Variants in AGPS observed in about 807,000 individuals in gnomAD.
AGPS encodes the protein alkylglycerone phosphate synthase.
A neutral mutation model predicts 90.7 loss-of-function variants in AGPS; 26 were observed. The observed-to-expected ratio is 0.29, with a 90% CI of 0.21 to 0.40. The LOEUF (loss-of-function observed/expected upper bound fraction) is 0.40, where lower values mean the gene tolerates loss of function less well. Among genes scored for constraint, AGPS ranks in the 10% least tolerant of loss-of-function variants. The probability of loss-of-function intolerance (pLI) is 1.00; values close to 1 mark genes in which losing one functional copy is unlikely to be tolerated. For synonymous variants in AGPS, 294 were observed against 285.3 expected (o/e 1.03, Z -0.31); for missense variants, 540 against 816.1 (o/e 0.66, Z 4.12).
chr2:177,484,008 G>A (rs1026538591), intron 11 of AGPS, among the ~76,000 whole-genome samples: 5 of 46,192 alleles, frequency 1.1e-4, no homozygotes, highest in African/African-American at 2.1e-4. Flanking sequence ...GGAAGCTAGG[G>A]TGTTTTTTTT....
rs1237261303 is a variant in AGPS, at chr2:177,538,004, A to C, written c.1856-70A>C. The C allele has an allele frequency of 5.1e-6, 8 of 1,576,418 alleles. No homozygotes were observed. In the African/African-American group the frequency reaches 8.1e-5, roughly 16 times the overall value. On this transcript the variant is annotated intron_variant, in intron 19 of 19. Transcript: ENST00000264167. ...TTTATCACACAGTGTTTGTTCACTCATGGTCACAAGATTGATTGGTTCCCA... is the reference window on the plus strand; with the variant it reads ...TTTATCACACAGTGTTTGTTCACTCCTGGTCACAAGATTGATTGGTTCCCA...
Position 177,436,999 on chromosome 2 carries a change from AT to A in AGPS, c.587del (p.Leu196CysfsTer13). 6.2e-7 allele frequency: 1 copy of A among 1,613,430 alleles called. No individual in the cohort carries two copies. The highest frequency in any genetic ancestry group is 2.2e-5 in the East Asian group (1 of 44,742). ...RAHGHCLHEI[F>X]LLREGMFERI... ...AAACAGGTCATTGTCTTCATGAGAT[AT>A]TTTTGCTCAGGGAAGGAATGTTTGA... On this transcript the variant is annotated frameshift_variant, in exon 5 of 20. Coordinates refer to ENST00000264167, the MANE Select transcript of AGPS (RefSeq NM_003659.4). LOFTEE classifies it high-confidence loss of function.
chr2:177,444,279 T>G (rs12990729), intron 7 of AGPS, among the ~76,000 whole-genome samples: 115,135 of 151,750 alleles, frequency 0.76, 43,917 homozygotes, highest in Admixed American at 0.8. Context: ...AAATTAGCCA[T>G]GTGTGGTGGC....
At chr2:177,405,411 T>C (rs1405456359) in intron 1 of AGPS, among the ~76,000 whole-genome samples, 1 of 152,266 alleles carries the variant, frequency 6.6e-6, no homozygotes, top group Non-Finnish European at 1.5e-5. Context: ...TTTTTGATGA[T>C]TCCTTCTCTA....
chr2:177,538,093 A>G lies in AGPS; in HGVS notation c.1875A>G (p.Gln625=), dbSNP rs2079199951. ...HHHGVGKLRK[Q]WLKESISDVG... ...TTCCAGTGGGCAAGTTACGGAAGCA[A>G]TGGCTAAAGGAAAGTATCTCTGATG... Residue 625 remains glutamine (Q), a synonymous_variant, in exon 20 of 20, where the codon CAA becomes CAG. Coordinates refer to ENST00000264167, the MANE Select transcript of AGPS (RefSeq NM_003659.4). 6.2e-7 allele frequency: 1 copy of G among 1,613,238 alleles called. No individual in the cohort carries two copies. Among genetic ancestry groups the G allele is most frequent in the Non-Finnish European group, 8.5e-7 (1 of 1,179,326 alleles).
chr2:177,478,400 T>A (rs1252783558), intron 10 of AGPS, among the ~76,000 whole-genome samples: 2 of 152,204 alleles, frequency 1.3e-5, no homozygotes, highest in East Asian at 3.8e-4. Flanking sequence ...TTTTAATAAA[T>A]TTAGGAAGTT....
chr2:177,422,676 T>A (rs1226725152), intron 2 of AGPS, among the ~76,000 whole-genome samples: 1 of 152,212 alleles, frequency 6.6e-6, no homozygotes, highest in African/African-American at 2.4e-5. Context: ...AAATATATAC[T>A]AAACAAACAA....
At chr2:177,431,974 A>G (rs574018002) in intron 2 of AGPS, among the ~76,000 whole-genome samples, 1 of 152,358 alleles carries the variant, frequency 6.6e-6, no homozygotes, top group South Asian at 2.1e-4. Flanking sequence ...AATGACCATG[A>G]AATCTTCACA....
At chr2:177,457,797 AC>A (rs1687163921) in intron 8 of AGPS, among the ~76,000 whole-genome samples, 1 of 152,200 alleles carries the variant, frequency 6.6e-6, no homozygotes, top group Non-Finnish European at 1.5e-5. Flanking sequence ...ACTATTCCAA[AC>A]AATAGAAAAA....
intron 3 of AGPS, among the ~76,000 whole-genome samples, chr2:177,434,998 T>G (rs4893948): frequency 0.28 from 336 of 1,206 alleles, 8 homozygotes; most frequent in East Asian, 0.33. Context: ...AAACTGTAGG[T>G]ATATATATAT....
rs186592556 is a variant in AGPS at position 177,519,361 on chromosome 2, C to A, written c.1698-1908C>A. ...TTCCAGAACACTTTTCCCAATCCGA[C>A]CTATCCCAATTTTCTTATTCTTTGT... On this transcript the variant is annotated intron_variant, in intron 17 of 19. Transcript: ENST00000264167. Among the ~76,000 whole-genome samples, 3 of 152,236 alleles carry A rather than the reference C, an allele frequency of 2.0e-5. No homozygotes were observed. The East Asian group carries it at 5.8e-4, about 29-fold the overall frequency.
At chr2:177,515,610 G>A (rs954743301) in intron 17 of AGPS, among the ~76,000 whole-genome samples, 3 of 152,114 alleles carry the variant, frequency 2.0e-5, no homozygotes, top group Admixed American at 2.0e-4. Flanking sequence ...GGCACATTCT[G>A]TAATTACACT....
At chr2:177,480,926 A>C (rs946437251) in intron 10 of AGPS, among the ~76,000 whole-genome samples, 1 of 152,090 alleles carries the variant, frequency 6.6e-6, no homozygotes, top group Non-Finnish European at 1.5e-5. Flanking sequence ...TATCAAGCCA[A>C]ACTTGCAGAG....
At chr2:177,405,810 C>T (rs1366896348) in intron 1 of AGPS, among the ~76,000 whole-genome samples, 1 of 145,052 alleles carries the variant, frequency 6.9e-6, no homozygotes, top group Admixed American at 7.1e-5. Context: ...ATTTCATCTA[C>T]TTGAACTGTA....
At chr2:177,521,134 T>C in intron 17 of AGPS, 135 bp from the exon 18 acceptor site, 1 of 798,116 alleles carries the variant, frequency 1.3e-6, no homozygotes, top group Non-Finnish European at 2.1e-6. Context: ...ATTCCTTCCA[T>C]GGAGTAGAGG....
intron 1 of AGPS, among the ~76,000 whole-genome samples, chr2:177,405,146 C>G (rs1296241838): frequency 6.6e-6 from 1 of 152,184 alleles, no homozygotes; most frequent in Admixed American, 6.5e-5. Context: ...AGTGGATCAG[C>G]TTTTTCTGCT....
At chr2:177,466,637 G>A (rs1312055332) in intron 9 of AGPS, among the ~76,000 whole-genome samples, 1 of 152,240 alleles carries the variant, frequency 6.6e-6, no homozygotes, top group Non-Finnish European at 1.5e-5. Flanking sequence ...AAGTCTGGAG[G>A]GGGCTGAGGC....
intron 3 of AGPS, 34 bp from the exon 4 acceptor site, chr2:177,436,730 A>C (rs1686422797): frequency 1.2e-6 from 2 of 1,605,270 alleles, no homozygotes; most frequent in East Asian, 4.5e-5. Flanking sequence ...TCGTTGTCTA[A>C]AAATAAGTCA....
chr2:177,454,232 G>C (rs1479249838), intron 8 of AGPS, among the ~76,000 whole-genome samples: 1 of 151,816 alleles, frequency 6.6e-6, no homozygotes, highest in Non-Finnish European at 1.5e-5. Flanking sequence ...GCTCTTTGAA[G>C]TTCCACAGCG....
Sources: gnomAD v4.1 joint callset for allele counts (sites outside exome capture counted in the v4.1 genomes callset) on GRCh38, gnomAD v4.1.1 for gene constraint, MANE v1.5 for transcripts, NCBI Gene and HGNC (gene_info 2026-07-23, HGNC 2026-07-21) for gene names.